TEX36: variants seen among roughly 807,000 people sequenced by gnomAD.
TEX36 encodes testis expressed 36.
Under a neutral mutation model 13.6 loss-of-function variants are expected in TEX36, and 12 were observed. That is an observed-to-expected ratio of 0.88 (90% confidence interval 0.56 to 1.43). The LOEUF is 1.43. Ranked by LOEUF, TEX36 falls within the 40% of genes most tolerant of loss-of-function variation. TEX36 has a pLI of 0.00. For synonymous variants in TEX36, 93 were observed against 83.0 expected, an observed-to-expected ratio of 1.12 and a Z score of -0.65; for missense variants, 224 against 228.3, an observed-to-expected ratio of 0.98 and a Z score of 0.12.
chr10:125,619,234 G>C (rs1250637961), downstream of TEX36, among the ~76,000 whole-genome samples: 1 of 152,124 alleles, frequency 6.6e-6, no homozygotes, highest in Non-Finnish European at 1.5e-5. Context: ...AAACCCTAAA[G>C]CACTGTAAAC....
At chr10:125,677,982 C>T (rs1385754218) in intron 1 of TEX36, among the ~76,000 whole-genome samples, 1 of 152,040 alleles carries the variant, frequency 6.6e-6, no homozygotes, top group Admixed American at 6.5e-5. Flanking sequence ...GCACCCAGCC[C>T]CTAAAATGAA....
downstream of TEX36, among the ~76,000 whole-genome samples, chr10:125,617,206 A>G (rs989206444): frequency 2.0e-5 from 3 of 151,684 alleles, no homozygotes; most frequent in African/African-American, 7.3e-5. Flanking sequence ...GGTTTCCTGA[A>G]TACAGCACAC....
intron 3 of TEX36, among the ~76,000 whole-genome samples, chr10:125,640,496 G>A (rs1846674807): frequency 6.6e-6 from 1 of 152,080 alleles, no homozygotes; most frequent in Admixed American, 6.5e-5. Flanking sequence ...TTTAATATTT[G>A]GGGGGATTAT....
chr10:125,629,543 G>A (rs1477141261), intron 3 of TEX36, among the ~76,000 whole-genome samples: 2 of 152,078 alleles, frequency 1.3e-5, no homozygotes, highest in East Asian at 3.9e-4. Flanking sequence ...TAGCACATCT[G>A]CATTCATTCG....
At chr10:125,588,851 A>T (rs1292165906) in intron 3 of TEX36, among the ~76,000 whole-genome samples, 2 of 152,318 alleles carry the variant, frequency 1.3e-5, no homozygotes, top group South Asian at 4.1e-4. Context: ...CCTGACCTCA[A>T]GTGACCCACA....
intron 3 of TEX36, among the ~76,000 whole-genome samples, chr10:125,660,414 T>C (rs1847016106): frequency 2.0e-5 from 3 of 152,210 alleles, no homozygotes; most frequent in Admixed American, 6.6e-5. Flanking sequence ...GCTGAGCCAC[T>C]GCTCCCAGCC....
intron 3 of TEX36, among the ~76,000 whole-genome samples, chr10:125,596,025 T>A (rs1846078946): frequency 6.6e-6 from 1 of 152,224 alleles, no homozygotes; most frequent in Admixed American, 6.5e-5. Flanking sequence ...ATATTAGCAA[T>A]CTGAATCCAG....
intron 3 of TEX36, among the ~76,000 whole-genome samples, chr10:125,590,855 A>G (rs1846013157): frequency 6.6e-6 from 1 of 152,228 alleles, no homozygotes; most frequent in Admixed American, 6.5e-5. Context: ...ATATATTGAT[A>G]TATATACATA....
At chr10:125,579,915 T>C (rs1845864753) in intron 3 of TEX36, among the ~76,000 whole-genome samples, 1 of 152,182 alleles carries the variant, frequency 6.6e-6, no homozygotes, top group African/African-American at 2.4e-5. Flanking sequence ...TAGTCTCAGG[T>C]AGTACTTTAG....
chr10:125,670,556 A>C (rs1202041035), intron 1 of TEX36, among the ~76,000 whole-genome samples: 6 of 152,048 alleles, frequency 3.9e-5, no homozygotes, highest in African/African-American at 1.4e-4. Flanking sequence ...CATTCTGATG[A>C]TAGTTTATTT....
rs111547278 is a variant in TEX36, at chr10:125,608,263, G to A, written c.265-31389C>T. On this transcript the variant is annotated intron_variant, in intron 3 of 3. Transcript: ENST00000532135. ...AGGGGAGTTTGTGGGTGGTGGAAAT[G>A]TCCTATAGATTGTGATGATGGTGAT... Among the ~76,000 whole-genome samples the A allele has an allele frequency of 4.8e-5, 6 of 124,674 alleles. 1 individual carries two copies. The highest frequency in any genetic ancestry group is 2.8e-4 in the African/African-American group (6 of 21,470). The allele number at this position is 124,674 out of a possible 152,430, so 81.8% of individuals were successfully genotyped here.
In TEX36 at chr10:125,609,208, T is replaced by C. The variant is rs139202096; in HGVS notation, c.265-32334A>G. On this transcript the variant is annotated intron_variant, in intron 3 of 3. Transcript: ENST00000532135. Reference sequence around the variant, plus strand: ...CTTTTAAACTAAACAGGGGAAGGGGTTGGAGAGGTGGGAGAGGGAACATTC... The same window carrying C: ...CTTTTAAACTAAACAGGGGAAGGGGCTGGAGAGGTGGGAGAGGGAACATTC... Among the ~76,000 whole-genome samples, 590 of 148,580 alleles carry C rather than the reference T, an allele frequency of 4.0e-3. 3 individuals are homozygous for C. Among genetic ancestry groups the C allele is most frequent in the African/African-American group, 0.014 (565 of 39,848 alleles).
intron 3 of TEX36, among the ~76,000 whole-genome samples, chr10:125,588,318 A>C (rs988957770): frequency 6.0e-4 from 91 of 152,180 alleles, no homozygotes; most frequent in African/African-American, 2.1e-3. Context: ...GTAGTATCTT[A>C]GTGTAGTTGT....
chr10:125,617,707 G>C (rs1436330848), downstream of TEX36, among the ~76,000 whole-genome samples: 1 of 152,102 alleles, frequency 6.6e-6, no homozygotes, highest in Non-Finnish European at 1.5e-5. Flanking sequence ...TTTCTCTCTG[G>C]CTGCCCTTAA....
intron 3 of TEX36, among the ~76,000 whole-genome samples, chr10:125,607,976 G>A (rs1846235877): frequency 6.6e-6 from 1 of 152,174 alleles, no homozygotes; most frequent in South Asian, 2.1e-4. Context: ...TGCATGAAAT[G>A]ATGGTTTAAT....
chr10:125,663,889 A>T (rs1040562195), intron 1 of TEX36, among the ~76,000 whole-genome samples: 1 of 152,186 alleles, frequency 6.6e-6, no homozygotes, highest in Non-Finnish European at 1.5e-5. Context: ...TAAAATGTAC[A>T]ATAGATTATG....
At chr10:125,608,705 A>G (rs72841548) in intron 3 of TEX36, among the ~76,000 whole-genome samples, 8,392 of 152,292 alleles carry the variant, frequency 0.055, 339 homozygotes, top group Middle Eastern at 0.12. Context: ...CTAGGGATGC[A>G]GAAGTTAGCG....
chr10:125,597,692 G>T (rs1437041700), intron 3 of TEX36, among the ~76,000 whole-genome samples: 1 of 152,258 alleles, frequency 6.6e-6, no homozygotes, highest in African/African-American at 2.4e-5. Flanking sequence ...TTCACCTGTG[G>T]CCTGGAGGAC....
At chr10:125,643,492 C>T (rs1477260285) in intron 3 of TEX36, among the ~76,000 whole-genome samples, 1 of 152,098 alleles carries the variant, frequency 6.6e-6, no homozygotes, top group Admixed American at 6.6e-5. Context: ...GCCTGTAATC[C>T]CCGCACTTTG....
Sources: allele counts gnomAD v4.1 joint callset (sites outside exome capture counted in the v4.1 genomes callset), GRCh38; gene constraint gnomAD v4.1.1; transcripts MANE v1.5; gene names NCBI Gene and HGNC (gene_info 2026-07-23, HGNC 2026-07-21).